EHBP1: variants seen among roughly 807,000 people sequenced by gnomAD.
EHBP1 encodes the protein EH domain-binding protein 1.
Under a neutral mutation model 144.0 loss-of-function variants are expected in EHBP1, and 55 were observed. The ratio of observed to expected loss-of-function variants is 0.38; its 90% confidence interval spans 0.31 to 0.48. The LOEUF is 0.48. Ranked by LOEUF, EHBP1 falls within the 20% of genes least tolerant of loss-of-function variation. The pLI is 0.98. For missense variants in EHBP1, 1,200 were observed against 1,364.2 expected (o/e 0.88, Z 1.90); for synonymous variants, 469 against 472.7 (o/e 0.99, Z 0.10).
At chr2:62,957,532 A>G (rs1443227651) in intron 14 of EHBP1, among the ~76,000 whole-genome samples, 1 of 152,082 alleles carries the variant, frequency 6.6e-6, no homozygotes, top group African/African-American at 2.4e-5. Flanking sequence ...AACATATGAA[A>G]AGAGACCAAT....
intron 7 of EHBP1, among the ~76,000 whole-genome samples, chr2:62,831,809 A>T (rs1269579587): frequency 6.6e-6 from 1 of 152,170 alleles, no homozygotes; most frequent in Non-Finnish European, 1.5e-5. Context: ...AATTGCTCTC[A>T]ATTTCTGAAT....
chr2:63,036,965 A>AT (rs1017492754), intron 19 of EHBP1, among the ~76,000 whole-genome samples: 2 of 151,594 alleles, frequency 1.3e-5, no homozygotes, highest in African/African-American at 4.8e-5. Context: ...AGCTGTGGGT[A>AT]TTTTTTTGTA....
intron 4 of EHBP1, among the ~76,000 whole-genome samples, chr2:62,767,647 C>A (rs992081550): frequency 1.7e-4 from 26 of 151,816 alleles, no homozygotes; most frequent in African/African-American, 6.3e-4. Flanking sequence ...CCATCCTGGG[C>A]AACATGGCAA....
At chr2:62,970,829 A>AG (rs1482009361) in intron 14 of EHBP1, among the ~76,000 whole-genome samples, 2 of 152,144 alleles carry the variant, frequency 1.3e-5, no homozygotes, top group African/African-American at 4.8e-5. Context: ...AAAGTCTGCT[A>AG]GGGGGTTGTA....
At chr2:62,962,742 C>G (rs1372339972) in intron 14 of EHBP1, among the ~76,000 whole-genome samples, 2 of 152,146 alleles carry the variant, frequency 1.3e-5, no homozygotes, top group African/African-American at 4.8e-5. Context: ...TCATAATGAT[C>G]AGTGAATTTA....
At chr2:62,715,901 A>G (rs921443539) in intron 2 of EHBP1, among the ~76,000 whole-genome samples, 1 of 152,180 alleles carries the variant, frequency 6.6e-6, no homozygotes, top group Non-Finnish European at 1.5e-5. Context: ...ACAACAAACT[A>G]ATCTTTACCC....
intron 14 of EHBP1, among the ~76,000 whole-genome samples, chr2:62,957,073 G>A (rs768605761): frequency 2.0e-5 from 3 of 152,176 alleles, no homozygotes; most frequent in Non-Finnish European, 4.4e-5. Context: ...TTTCAGTTAT[G>A]AACATAGATG....
At chr2:62,722,846 A>G (rs2036369816) in intron 2 of EHBP1, among the ~76,000 whole-genome samples, 1 of 152,180 alleles carries the variant, frequency 6.6e-6, no homozygotes, top group South Asian at 2.1e-4. Context: ...GTCACATGAT[A>G]TTGATTGTGC....
intron 7 of EHBP1, among the ~76,000 whole-genome samples, chr2:62,839,307 ACT>A (rs1174165066): frequency 1.3e-5 from 2 of 149,780 alleles, no homozygotes; most frequent in Non-Finnish European, 3.0e-5. Flanking sequence ...CATGCTAAAA[ACT>A]CTCAATAAAT....
Position 62,753,082 on chromosome 2 carries a change from G to T in EHBP1, c.162+5630G>T, listed in dbSNP as rs532144199. Among the ~76,000 whole-genome samples the T allele has an allele frequency of 5.3e-5, 8 of 152,302 alleles. No homozygotes were observed. The South Asian group carries it at 1.7e-3, about 32-fold the overall frequency. On this transcript the variant is annotated intron_variant, in intron 3 of 22. Transcript: ENST00000431489. The stretch of plus-strand genomic sequence containing the variant: ...GTTATTTTGCTCGTTAGTTGATGCA[G>T]TTTCTTCCTAGCATCGATGGTCTTT...
chr2:62,700,605 C>G (rs1004389923), intron 1 of EHBP1, among the ~76,000 whole-genome samples: 1 of 152,168 alleles, frequency 6.6e-6, no homozygotes, highest in African/African-American at 2.4e-5. Flanking sequence ...CTCTGTACCC[C>G]TCTGGGTGTC....
chr2:62,759,373 C>T (rs189626234), intron 3 of EHBP1, among the ~76,000 whole-genome samples: 2 of 152,096 alleles, frequency 1.3e-5, no homozygotes, highest in African/African-American at 4.8e-5. Context: ...GATCAGGGCT[C>T]TCATAGTGCT....
At chr2:62,696,886 T>C (rs2034120966) in intron 1 of EHBP1, among the ~76,000 whole-genome samples, 1 of 152,234 alleles carries the variant, frequency 6.6e-6, no homozygotes, top group Non-Finnish European at 1.5e-5. Context: ...TTAATTATTC[T>C]ATCTCTAAGG....
chr2:62,971,589 A>G (rs905871261), intron 14 of EHBP1, among the ~76,000 whole-genome samples: 13 of 152,178 alleles, frequency 8.5e-5, no homozygotes, highest in Admixed American at 5.9e-4. Context: ...TTTGATATCA[A>G]ACAGACACTG....
chr2:63,039,822 A>G (rs2061587281), intron 21 of EHBP1, among the ~76,000 whole-genome samples: 1 of 152,114 alleles, frequency 6.6e-6, no homozygotes. Context: ...TTACTTTTAT[A>G]TTCATAAACT....
intron 14 of EHBP1, among the ~76,000 whole-genome samples, chr2:62,969,631 C>A (rs950149131): frequency 6.6e-6 from 1 of 151,942 alleles, no homozygotes; most frequent in Non-Finnish European, 1.5e-5. Flanking sequence ...TAAACAAATC[C>A]AAAATTTAGT....
intron 3 of EHBP1, among the ~76,000 whole-genome samples, chr2:62,761,937 T>C (rs1350958238): frequency 6.6e-6 from 1 of 152,196 alleles, no homozygotes. Flanking sequence ...CTTCCCATTC[T>C]TTCTTAAATT....
At chr2:62,971,666 G>T (rs937200184) in intron 14 of EHBP1, among the ~76,000 whole-genome samples, 3 of 152,164 alleles carry the variant, frequency 2.0e-5, no homozygotes, top group Non-Finnish European at 2.9e-5. Context: ...GTGAGATTCA[G>T]TTTTTGTCAA....
intron 7 of EHBP1, among the ~76,000 whole-genome samples, chr2:62,844,898 A>G (rs2048181634): frequency 6.6e-6 from 1 of 152,194 alleles, no homozygotes; most frequent in Admixed American, 6.5e-5. Context: ...TTGACTTAAA[A>G]GGATATTGGA....
Sources: gnomAD v4.1 joint callset for allele counts (sites outside exome capture counted in the v4.1 genomes callset) on GRCh38, gnomAD v4.1.1 for gene constraint, MANE v1.5 for transcripts, NCBI Gene and HGNC (gene_info 2026-07-23, HGNC 2026-07-21) for gene names.